NUDT19: variants seen among roughly 807,000 people sequenced by gnomAD.
The protein encoded by NUDT19 is acyl-coenzyme A diphosphatase NUDT19.
A neutral mutation model predicts 22.2 loss-of-function variants in NUDT19; 31 were observed. The observed-to-expected ratio is 1.40, with a 90% CI of 1.05 to 1.89. The LOEUF is 1.89. NUDT19 is among the 40% of genes most tolerant of loss of function. The probability of loss-of-function intolerance (pLI) is 0.00; values close to 1 mark genes in which losing one functional copy is unlikely to be tolerated. For missense variants in NUDT19, 752 were observed against 514.2 expected (o/e 1.46, Z -4.47); for synonymous variants, 325 against 230.8 (o/e 1.41, Z -3.70).
rs1011733413 is a variant in NUDT19 at position 32,692,023 on chromosome 19, G to T, written c.63G>T (p.Ala21=). The part of the protein sequence containing the change: ...RWRRAASIVL[A]AGWSRPETAT... ...GGCGGGCGGCCAGCATCGTCCTGGCGGCTGGCTGGTCGCGCCCGGAGACCG... is the reference window on the plus strand; with the variant it reads ...GGCGGGCGGCCAGCATCGTCCTGGCTGCTGGCTGGTCGCGCCCGGAGACCG... Residue 21 remains alanine (A), a synonymous_variant, in exon 1 of 3, where the codon GCG becomes GCT. Coordinates refer to ENST00000397061, the MANE Select transcript of NUDT19 (RefSeq NM_001105570.2). 1.0e-5 allele frequency: 13 copies of T among 1,261,224 alleles called. No homozygotes were observed. The highest frequency in any genetic ancestry group is 1.6e-5 in the African/African-American group (1 of 64,128). 78.1% of individuals were successfully genotyped at this position (1,261,224 alleles called of 1,614,324 possible).
chr19:32,692,510 C>A lies in NUDT19; in HGVS notation c.550C>A (p.His184Asn). The part of the protein sequence containing the change: ...DPRHFLRLCA[H>N]LDCTPDIWAL... ...GCGCCACTTCCTGCGGCTGTGCGCC[C>A]ACCTCGACTGCACACCCGACATCTG... The change falls in exon 1 of 3, where the codon CAC (histidine) becomes AAC (asparagine). Residue 184 changes from histidine (H) to asparagine (N), a missense_variant. Physicochemically the swap from His to Asn is moderately conservative, Grantham distance 68. Coordinates refer to ENST00000397061, the MANE Select transcript of NUDT19 (RefSeq NM_001105570.2). 1 of 1,565,482 alleles carries A rather than the reference C, an allele frequency of 6.4e-7. No individual in the cohort carries two copies. The highest frequency in any genetic ancestry group is 8.6e-7 in the Non-Finnish European group (1 of 1,159,532).
At chr19:32,710,286 T>C (rs1264731707) in intron 2 of NUDT19, among the ~76,000 whole-genome samples, 1 of 151,826 alleles carries the variant, frequency 6.6e-6, no homozygotes, top group Non-Finnish European at 1.5e-5. Context: ...AATTCTGGGA[T>C]TATAGGCATG....
chr19:32,708,321 G>A (rs12975429), intron 1 of NUDT19, among the ~76,000 whole-genome samples: 27,084 of 150,850 alleles, frequency 0.18, 2,517 homozygotes, highest in African/African-American at 0.22. Flanking sequence ...CAGTTACTTG[G>A]GAGGCTGAGG....
rs367748716 is a variant in NUDT19, at chr19:32,704,540, G to A, written c.715-4645G>A. 4.1e-4 allele frequency among the ~76,000 whole-genome samples: 62 copies of A among 151,950 alleles called. 1 individual carries two copies. Among genetic ancestry groups the A allele is most frequent in the South Asian group, 1.3e-3 (6 of 4,786 alleles). On this transcript the variant is annotated intron_variant, in intron 1 of 2. Transcript: ENST00000397061. Reference sequence around the variant, plus strand: ...CTCCCAAAGTACTGGGATTACAGGCGTGAGCCACCATGCCCAGCCTCTTGC... The same window carrying A: ...CTCCCAAAGTACTGGGATTACAGGCATGAGCCACCATGCCCAGCCTCTTGC...
At chr19:32,705,501 T>C (rs578107719) in intron 1 of NUDT19, among the ~76,000 whole-genome samples, 97 of 152,206 alleles carry the variant, frequency 6.4e-4, no homozygotes, top group African/African-American at 2.3e-3. Context: ...ATTACCTTAA[T>C]TGTCTTGAGG....
chr19:32,707,973 G>A (rs562545641), intron 1 of NUDT19, among the ~76,000 whole-genome samples: 59 of 146,978 alleles, frequency 4.0e-4, no homozygotes, highest in African/African-American at 1.3e-3. Context: ...GCAAGACTCC[G>A]TTTCAAAAAA....
chr19:32,709,265 A>G lies in NUDT19; in HGVS notation c.795A>G (p.Arg265=), dbSNP rs750266609. 4 of 1,614,170 alleles carry G rather than the reference A, an allele frequency of 2.5e-6. No individual in the cohort carries two copies. The Admixed American group carries it at 6.7e-5, about 27-fold the overall frequency. Residue 265 remains arginine (R), a synonymous_variant, in exon 2 of 3, where the codon AGA becomes AGG. Transcript: ENST00000397061. The part of the protein sequence containing the change: ...WLPPPQFYEV[R]RLANFASLSD... ...CACCCCCACAGTTCTACGAAGTGAG[A>G]AGACTTGCAAACTTTGCCTCTCTCT...
chr19:32,693,150 A>G (rs1007150693), intron 1 of NUDT19, among the ~76,000 whole-genome samples: 1 of 152,068 alleles, frequency 6.6e-6, no homozygotes, highest in Non-Finnish European at 1.5e-5. Context: ...GGTCTCGCTG[A>G]CTTTAAGAAT....
rs1241028406 is a variant in NUDT19 at position 32,692,335 on chromosome 19, C to T, written c.375C>T (p.Arg125=). ...TGTLPEDVAF[R]ICAVREAFEE... ...CGCTGCCTGAGGACGTAGCCTTCCG[C>T]ATCTGCGCCGTGCGGGAGGCCTTTG... The change falls in exon 1 of 3, where the codon CGC becomes CGT. Residue 125 remains arginine, a synonymous_variant. Coordinates refer to ENST00000397061, the MANE Select transcript of NUDT19 (RefSeq NM_001105570.2). 6 of 1,591,712 alleles carry T rather than the reference C, an allele frequency of 3.8e-6. No individual in the cohort carries two copies. The South Asian group carries it at 6.7e-5, about 18-fold the overall frequency.
rs771980779 is a variant in NUDT19 at position 32,709,219 on chromosome 19, T to C, written c.749T>C (p.Leu250Ser). Reference sequence around the variant, plus strand: ...CCATCAGAGGCAACTGAAAGTTTCTTATCAAAAGAAATTTGGTTGCCACCC... The same window carrying C: ...CCATCAGAGGCAACTGAAAGTTTCTCATCAAAAGAAATTTGGTTGCCACCC... ...SSPSEATESFLSKEIWLPPPQ... is the reference protein window; with the variant it reads ...SSPSEATESFSSKEIWLPPPQ... Residue 250 changes from leucine (L) to serine (S), a missense_variant, in exon 2 of 3, where the codon TTA becomes TCA. Transcript: ENST00000397061. The C allele has an allele frequency of 1.2e-5, 19 of 1,613,856 alleles. No individual in the cohort carries two copies. The Admixed American group carries it at 3.2e-4, about 27-fold the overall frequency.
At chr19:32,694,496 A>T (rs2145355783) in intron 1 of NUDT19, among the ~76,000 whole-genome samples, 1 of 152,304 alleles carries the variant, frequency 6.6e-6, no homozygotes, top group South Asian at 2.1e-4. Context: ...TGGTAGTAAG[A>T]TAATGAAGTA....
chr19:32,703,597 C>T (rs1968357203), intron 1 of NUDT19, among the ~76,000 whole-genome samples: 1 of 150,320 alleles, frequency 6.7e-6, no homozygotes, highest in African/African-American at 2.5e-5. Context: ...GATCCACCTG[C>T]CTCAGCCTCC....
chr19:32,712,012 G>T lies in NUDT19; in HGVS notation c.*55G>T. 1 of 1,120,606 alleles carries T rather than the reference G, an allele frequency of 8.9e-7. No homozygotes were observed. Among genetic ancestry groups the T allele is most frequent in the Non-Finnish European group, 1.4e-6 (1 of 740,152 alleles). 69.4% of individuals were successfully genotyped at this position (1,120,606 alleles called of 1,614,324 possible). A position where few individuals can be genotyped will look rare whatever the true frequency, so the allele number is the denominator to read the frequency against. ...ACTTGAAGTCCTCATGAATAATGAG[G>T]GTTGACTTTCATTTGCTTGAAACTT... On this transcript the variant is annotated 3_prime_UTR_variant, in exon 3 of 3. Coordinates refer to ENST00000397061, the MANE Select transcript of NUDT19 (RefSeq NM_001105570.2).
Position 32,711,749 on chromosome 19 carries a change from C to T in NUDT19, c.923-3C>T, listed in dbSNP as rs1057118229. 2 of 1,544,736 alleles carry T rather than the reference C, an allele frequency of 1.3e-6. No individual in the cohort carries two copies. Among genetic ancestry groups the T allele is most frequent in the African/African-American group, 2.8e-5 (2 of 72,580 alleles). ...AATAAAATCAGATTTTTTCCTTTTT[C>T]AGGTGATGAGCTATATTTAGAAGAT... On this transcript the variant is annotated splice_polypyrimidine_tract_variant and splice_region_variant and intron_variant, in intron 2 of 2. Transcript: ENST00000397061.
chr19:32,711,105 C>A (rs1329947380), intron 2 of NUDT19, among the ~76,000 whole-genome samples: 1 of 151,908 alleles, frequency 6.6e-6, no homozygotes, highest in African/African-American at 2.4e-5. Context: ...GGAAACATAC[C>A]AGTCACAGAT....
Position 32,711,916 on chromosome 19 carries a change from G to C in NUDT19, c.1087G>C (p.Val363Leu). The stretch of plus-strand genomic sequence containing the variant: ...GACTGTTCAGCCAAAGTATAAACAC[G>C]TTTATCCTAAGAACTCTGTAGTAAG... The part of the protein sequence containing the change: ...HVTVQPKYKH[V>L]YPKNSVVRKS... The change falls in exon 3 of 3, where the codon GTT (valine) becomes CTT (leucine). Residue 363 changes from valine (V) to leucine (L), a missense_variant. By Grantham distance (32) the Val-to-Leu change is conservative (BLOSUM62 1). Coordinates refer to ENST00000397061, the MANE Select transcript of NUDT19 (RefSeq NM_001105570.2). The C allele has an allele frequency of 6.2e-7, 1 of 1,613,910 alleles. No individual in the cohort carries two copies. The highest frequency in any genetic ancestry group is 8.5e-7 in the Non-Finnish European group (1 of 1,179,920).
intron 1 of NUDT19, 101 bp from the exon 2 acceptor site, chr19:32,709,084 T>G (rs1968418121): frequency 3.8e-6 from 3 of 799,176 alleles, no homozygotes; most frequent in Admixed American, 3.7e-5. Flanking sequence ...AATGAATTCA[T>G]TTTACACATT....
chr19:32,699,190 C>T (rs1263083691), intron 1 of NUDT19, among the ~76,000 whole-genome samples: 1 of 152,120 alleles, frequency 6.6e-6, no homozygotes, highest in African/African-American at 2.4e-5. Context: ...GAAGTTTATC[C>T]TAGAAATCAT....
chr19:32,704,828 C>T (rs1218177268), intron 1 of NUDT19, among the ~76,000 whole-genome samples: 10 of 151,648 alleles, frequency 6.6e-5, no homozygotes, highest in East Asian at 5.8e-4. Flanking sequence ...GACTTTGGGC[C>T]GGGCATGGTG....
Sources: gnomAD v4.1 joint callset for allele counts (sites outside exome capture counted in the v4.1 genomes callset) on GRCh38, gnomAD v4.1.1 for gene constraint, MANE v1.5 for transcripts, NCBI Gene and HGNC (gene_info 2026-07-23, HGNC 2026-07-21) for gene names.